DMD: variants seen among roughly 807,000 people sequenced by gnomAD.
The protein encoded by DMD is mutant dystrophin.
In DMD, 63 loss-of-function variants were observed where a neutral mutation model predicts 330.1. The observed-to-expected ratio is 0.19, with a 90% confidence interval of 0.16 to 0.24. The LOEUF is 0.24. Ranked by LOEUF, DMD falls within the 10% of genes least tolerant of loss-of-function variation. DMD has a pLI of 1.00. For synonymous variants in DMD, 1,223 were observed against 959.8 expected (o/e 1.27, Z -5.07); for missense variants, 3,344 against 2,684.1 (o/e 1.25, Z -5.43).
chrX:32,085,708 G>A (rs997299357), intron 44 of DMD, among the ~76,000 whole-genome samples: 3 of 79,312 alleles, frequency 3.8e-5, no homozygotes, highest in African/African-American at 1.0e-4. Flanking sequence ...ATACACACGC[G>A]TATATATATA....
intron 4 of DMD, among the ~76,000 whole-genome samples, chrX:32,841,429 C>A (rs1042763283): frequency 9.0e-6 from 1 of 111,385 alleles, no homozygotes; most frequent in Non-Finnish European, 1.9e-5. Context: ...GTGGGAGAAC[C>A]TAGTTCACCA....
intron 1 of DMD, among the ~76,000 whole-genome samples, chrX:33,116,453 C>A (rs150428110): frequency 0.029 from 3,167 of 110,446 alleles, 127 homozygotes; most frequent in African/African-American, 0.099. Flanking sequence ...AGGGTTCAGT[C>A]AGCCATGATC....
intron 76 of DMD, among the ~76,000 whole-genome samples, chrX:31,139,852 C>CCT (rs2035819715): frequency 9.0e-6 from 1 of 111,447 alleles, no homozygotes; most frequent in Non-Finnish European, 1.9e-5. Flanking sequence ...CTGAAAACTA[C>CCT]TGAAATAATA....
chrX:32,244,170 T>G (rs1330949658), intron 43 of DMD, among the ~76,000 whole-genome samples: 1 of 96,159 alleles, frequency 1.0e-5, no homozygotes, highest in Non-Finnish European at 2.1e-5. Context: ...GTGATCTCAT[T>G]GTTCAATTCC....
chrX:32,194,632 G>A (rs1018035239), intron 44 of DMD, among the ~76,000 whole-genome samples: 12 of 111,032 alleles, frequency 1.1e-4, no homozygotes, highest in African/African-American at 9.8e-5. Context: ...CATGTGATAC[G>A]TAAATGGAAA....
At position 31,358,372 on chromosome X, in the gene DMD, T is replaced by G. The variant is rs141793850; in HGVS notation, c.9085-9738A>C. Reference sequence around the variant, plus strand: ...GTAGGTACACTTCCCTGGGCGATAATCTGAGGTACTTTATAAGCTTCTTTC... The same window carrying G: ...GTAGGTACACTTCCCTGGGCGATAAGCTGAGGTACTTTATAAGCTTCTTTC... On this transcript the variant is annotated intron_variant, in intron 60 of 78. Transcript: ENST00000357033. Among the ~76,000 whole-genome samples the G allele has an allele frequency of 5.0e-3, 555 of 111,532 alleles. 7 individuals carry two copies. The highest frequency in any genetic ancestry group is 0.017 in the African/African-American group (535 of 30,698).
At chrX:32,676,655 C>A (rs2061991380) in intron 9 of DMD, among the ~76,000 whole-genome samples, 1 of 111,228 alleles carries the variant, frequency 9.0e-6, no homozygotes, top group Admixed American at 9.6e-5. Context: ...ATTGTTATAC[C>A]ATTTTATTTA....
At chrX:31,689,274 C>G (rs2082932637) in intron 52 of DMD, among the ~76,000 whole-genome samples, 1 of 112,555 alleles carries the variant, frequency 8.9e-6, no homozygotes, top group Admixed American at 9.4e-5. Context: ...AGCAAAGTCT[C>G]AGGATATAAA....
intron 55 of DMD, among the ~76,000 whole-genome samples, chrX:31,523,585 C>T (rs1313544279): frequency 8.9e-6 from 1 of 112,317 alleles, no homozygotes; most frequent in African/African-American, 3.2e-5. Context: ...ACTCTAACCA[C>T]ATTCAGATAA....
At chrX:32,553,254 T>C (rs1051920130) in intron 16 of DMD, among the ~76,000 whole-genome samples, 3 of 111,536 alleles carry the variant, frequency 2.7e-5, no homozygotes, top group Non-Finnish European at 5.6e-5. Flanking sequence ...AGAGATTGTG[T>C]TCTTTGCAGC....
intron 54 of DMD, among the ~76,000 whole-genome samples, chrX:31,637,633 A>C (rs2079491852): frequency 9.0e-6 from 1 of 111,334 alleles, no homozygotes; most frequent in South Asian, 3.7e-4. Flanking sequence ...AATTTAATTA[A>C]AGTCAATAAA....
chrX:31,801,348 A>T (rs754725972), intron 50 of DMD, among the ~76,000 whole-genome samples: 68 of 111,116 alleles, frequency 6.1e-4, no homozygotes, highest in African/African-American at 2.1e-3. Flanking sequence ...AAACAAACCC[A>T]TGATTCAATT....
At position 32,226,766 on chromosome X, in the gene DMD, C is replaced by G. The variant is rs1283018614; in HGVS notation, c.6291-9703G>C. Reference sequence around the variant, plus strand: ...TTTTCAGGAGGATGAAAGTACACTCCAAGTTATAAATAGCAATAAAATTTA... The same window carrying G: ...TTTTCAGGAGGATGAAAGTACACTCGAAGTTATAAATAGCAATAAAATTTA... On this transcript the variant is annotated intron_variant, in intron 43 of 78. Coordinates refer to ENST00000357033, the MANE Select transcript of DMD (RefSeq NM_004006.3). Among the ~76,000 whole-genome samples, 11 of 110,784 alleles carry G rather than the reference C, an allele frequency of 9.9e-5. No individual in the cohort carries two copies. In the Admixed American group the frequency reaches 1.1e-3, roughly 11 times the overall value.
At chrX:31,412,058 C>T (rs1000942940) in intron 60 of DMD, among the ~76,000 whole-genome samples, 1 of 107,346 alleles carries the variant, frequency 9.3e-6, no homozygotes. Context: ...TGGTGGCGGG[C>T]GCCTGCAGTC....
intron 7 of DMD, among the ~76,000 whole-genome samples, chrX:32,803,535 T>C (rs1304581764): frequency 9.0e-6 from 1 of 111,295 alleles, no homozygotes; most frequent in Non-Finnish European, 1.9e-5. Context: ...CTCTAGTTCA[T>C]TTAATTGTGA....
chrX:32,645,922 G>A (rs1001997462), intron 9 of DMD, among the ~76,000 whole-genome samples: 6 of 111,530 alleles, frequency 5.4e-5, no homozygotes, highest in Admixed American at 1.9e-4. Context: ...GAAGATCCAG[G>A]GTACCTGTTA....
intron 3 of DMD, among the ~76,000 whole-genome samples, chrX:32,846,723 T>TAAAAAAA (rs10564725): frequency 1.9e-4 from 10 of 53,579 alleles, no homozygotes; most frequent in African/African-American, 4.2e-4. Context: ...ACTTTAGATT[T>TAAAAAAA]AAAAAAAAAA....
At chrX:32,807,139 A>AAAC (rs2077010682) in intron 7 of DMD, among the ~76,000 whole-genome samples, 5 of 104,483 alleles carry the variant, frequency 4.8e-5, no homozygotes, top group African/African-American at 1.8e-4. Flanking sequence ...AAAAAAAAAA[A>AAAC]AAAAAAAAAA....
intron 74 of DMD, among the ~76,000 whole-genome samples, chrX:31,151,821 T>C (rs2037449594): frequency 1.9e-5 from 2 of 105,077 alleles, no homozygotes; most frequent in Admixed American, 1.0e-4. Context: ...TCTCTACCAT[T>C]TCCTCCATTT....
Sources: gnomAD v4.1 joint callset for allele counts (sites outside exome capture counted in the v4.1 genomes callset) on GRCh38, gnomAD v4.1.1 for gene constraint, MANE v1.5 for transcripts, NCBI Gene and HGNC (gene_info 2026-07-23, HGNC 2026-07-21) for gene names.